Variants in NIPBL observed in about 807,000 individuals in gnomAD.
NIPBL encodes the protein nipped-B-like protein.
Under a neutral mutation model 321.8 loss-of-function variants are expected in NIPBL, and 19 were observed. That is an observed-to-expected ratio of 0.06 (90% CI 0.04 to 0.09). The LOEUF (loss-of-function observed/expected upper bound fraction) is 0.09, where lower values mean the gene tolerates loss of function less well. Ranked by LOEUF, NIPBL falls within the 10% of genes least tolerant of loss-of-function variation. The probability of loss-of-function intolerance (pLI) is 1.00; values close to 1 mark genes in which losing one functional copy is unlikely to be tolerated. For synonymous variants in NIPBL, 1,106 were observed against 1,114.1 expected (o/e 0.99, Z 0.14); for missense variants, 2,210 against 3,327.0 (o/e 0.66, Z 8.26).
intron 6 of NIPBL, among the ~76,000 whole-genome samples, chr5:36,969,496 A>T (rs923266895): frequency 2.0e-5 from 3 of 152,208 alleles, no homozygotes; most frequent in African/African-American, 7.2e-5. Flanking sequence ...ATATGGCATT[A>T]TATCTTAATG....
At chr5:37,012,538 T>G (rs2149684789) in intron 21 of NIPBL, among the ~76,000 whole-genome samples, 1 of 148,864 alleles carries the variant, frequency 6.7e-6, no homozygotes, top group South Asian at 2.1e-4. Context: ...AGGACAATAG[T>G]GGAGGGAAGG....
At chr5:37,026,196 A>G (rs1470088911) in intron 30 of NIPBL, 33 bp from the exon 31 acceptor site, 2 of 1,251,692 alleles carry the variant, frequency 1.6e-6, no homozygotes, top group Admixed American at 3.5e-5. Flanking sequence ...TATTTGTTAT[A>G]ATTAGTTAAT....
intron 1 of NIPBL, among the ~76,000 whole-genome samples, chr5:36,948,849 T>C (rs953233855): frequency 1.3e-5 from 2 of 151,772 alleles, no homozygotes; most frequent in Non-Finnish European, 3.0e-5. Context: ...GGATCCTAAC[T>C]CCATAAAGCC....
chr5:36,992,058 G>C (rs1745588201), intron 10 of NIPBL, among the ~76,000 whole-genome samples: 1 of 152,084 alleles, frequency 6.6e-6, no homozygotes, highest in Non-Finnish European at 1.5e-5. Flanking sequence ...GCATATCTAG[G>C]AGTAAATGTA....
intron 45 of NIPBL, among the ~76,000 whole-genome samples, chr5:37,062,257 C>T (rs1754795660): frequency 6.6e-6 from 1 of 152,194 alleles, no homozygotes; most frequent in African/African-American, 2.4e-5. Context: ...AAATACATGG[C>T]TTATATGTCA....
chr5:36,918,690 A>G (rs912893290), intron 1 of NIPBL, among the ~76,000 whole-genome samples: 25 of 152,106 alleles, frequency 1.6e-4, no homozygotes, highest in African/African-American at 5.6e-4. Flanking sequence ...TTACTTTGAG[A>G]TACGTTCCAT....
intron 1 of NIPBL, among the ~76,000 whole-genome samples, chr5:36,897,895 A>AG (rs1451286700): frequency 2.0e-5 from 3 of 151,884 alleles, no homozygotes; most frequent in African/African-American, 2.4e-5. Flanking sequence ...AGGGAAAAAA[A>AG]AAAAAAAAAA....
intron 34 of NIPBL, among the ~76,000 whole-genome samples, chr5:37,041,945 C>G (rs768949904): frequency 1.3e-5 from 2 of 152,088 alleles, no homozygotes; most frequent in African/African-American, 4.8e-5. Context: ...TTCTTCTATC[C>G]CTAGACCCAC....
chr5:36,877,303 G>C (rs1249150279), intron 1 of NIPBL, 125 bp downstream of exon 1: 1 of 155,740 alleles, frequency 6.4e-6, no homozygotes, highest in African/African-American at 2.4e-5. Context: ...CCACAGGCGA[G>C]TCTAGAGTTC....
chr5:37,056,494 A>G (rs1754105876), intron 42 of NIPBL, among the ~76,000 whole-genome samples: 1 of 152,194 alleles, frequency 6.6e-6, no homozygotes, highest in Non-Finnish European at 1.5e-5. Context: ...CAACTAAATA[A>G]TCATAATTTT....
intron 1 of NIPBL, among the ~76,000 whole-genome samples, chr5:36,920,787 G>GT (rs1290166846): frequency 6.6e-5 from 10 of 150,704 alleles, no homozygotes; most frequent in Non-Finnish European, 1.5e-5. Flanking sequence ...TCTTTAACCT[G>GT]TATCTGTCAC....
intron 1 of NIPBL, among the ~76,000 whole-genome samples, chr5:36,930,316 A>G (rs1449213412): frequency 6.6e-6 from 1 of 152,080 alleles, no homozygotes; most frequent in Non-Finnish European, 1.5e-5. Context: ...TCATGGTCCT[A>G]GTTTGAATGG....
chr5:36,989,861 A>G (rs1745285630), intron 10 of NIPBL, among the ~76,000 whole-genome samples: 1 of 151,306 alleles, frequency 6.6e-6, no homozygotes, highest in South Asian at 2.1e-4. Context: ...AAAAAAAAAA[A>G]AATTGGCATA....
Position 36,877,183 on chromosome 5 carries a change from A to T in NIPBL, c.-80+5A>T. 1 of 222,434 alleles carries T rather than the reference A, an allele frequency of 4.5e-6. No homozygotes were observed. Among genetic ancestry groups the T allele is most frequent in the Non-Finnish European group, 8.8e-6 (1 of 114,202 alleles). The allele number at this position is 222,434 out of a possible 1,614,324, so 13.8% of individuals were successfully genotyped here. A position where few individuals can be genotyped will look rare whatever the true frequency, so the allele number is the denominator to read the frequency against. On this transcript the variant is annotated splice_donor_5th_base_variant and intron_variant, in intron 1 of 46. Transcript: ENST00000282516. ...TTCAGACGCCGATTCGCCCAGGTAA[A>T]TTCCTGCTCTTTATTTCGGCGGCGG...
intron 6 of NIPBL, among the ~76,000 whole-genome samples, chr5:36,969,117 CTT>C (rs747992504): frequency 6.6e-6 from 1 of 152,044 alleles, no homozygotes; most frequent in Non-Finnish European, 1.5e-5. Context: ...ATGTAAAAGA[CTT>C]TTGTGGAGCA....
At position 36,975,910 on chromosome 5, in the gene NIPBL, G is replaced by C. The variant is rs777034854; in HGVS notation, c.1003G>C (p.Glu335Gln). The change falls in exon 9 of 47, where the codon GAA becomes CAA. Residue 335 changes from glutamate to glutamine, a missense_variant. Around this residue, in one of 14 missense-constraint regions of NIPBL, gnomAD observed 464 missense variants for 529.5 expected, o/e 0.88. Coordinates refer to ENST00000282516, the MANE Select transcript of NIPBL (RefSeq NM_133433.4). ...KQKKMKLGKD[E>Q]KEQSEKAAMY... Reference sequence around the variant, plus strand: ...GAAGAAAATGAAATTAGGCAAGGATGAAAAAGAGCAGAGTGAGAAAGCGGC... The same window carrying C: ...GAAGAAAATGAAATTAGGCAAGGATCAAAAAGAGCAGAGTGAGAAAGCGGC... The C allele has an allele frequency of 3.1e-6, 5 of 1,612,854 alleles. No homozygotes were observed. Among genetic ancestry groups the C allele is most frequent in the Non-Finnish European group, 4.2e-6 (5 of 1,179,398 alleles).
In NIPBL at chr5:36,986,273, C is replaced by T; in HGVS notation, c.3093C>T (p.Ile1031=). The change falls in exon 10 of 47, where the codon ATC becomes ATT. Residue 1031 remains isoleucine (I), a synonymous_variant. Transcript: ENST00000282516. ...EDKSRSSLKP[I]KNKPSKSNKG... Reference sequence around the variant, plus strand: ...AATCAAGAAGTTCCCTTAAACCTATCAAGAATAAACCATCAAAGTCAAATA... The same window carrying T: ...AATCAAGAAGTTCCCTTAAACCTATTAAGAATAAACCATCAAAGTCAAATA... 1 of 1,527,364 alleles carries T rather than the reference C, an allele frequency of 6.5e-7. No homozygotes were observed. The highest frequency in any genetic ancestry group is 8.7e-7 in the Non-Finnish European group (1 of 1,145,854). 94.6% of individuals were successfully genotyped at this position (1,527,364 alleles called of 1,614,324 possible). A position where few individuals can be genotyped will look rare whatever the true frequency, so the allele number is the denominator to read the frequency against.
intron 6 of NIPBL, among the ~76,000 whole-genome samples, chr5:36,965,784 C>T (rs971553244): frequency 3.3e-5 from 5 of 152,004 alleles, no homozygotes; most frequent in African/African-American, 7.2e-5. Context: ...CCCAGAAATA[C>T]GTGCCTCTAT....
chr5:37,049,877 T>C (rs1044638512), intron 40 of NIPBL, among the ~76,000 whole-genome samples: 1 of 152,166 alleles, frequency 6.6e-6, no homozygotes, highest in Non-Finnish European at 1.5e-5. Context: ...GCTACAAAAG[T>C]GTATGTATTA....
Sources: allele counts gnomAD v4.1 joint callset (sites outside exome capture counted in the v4.1 genomes callset), GRCh38; gene constraint gnomAD v4.1.1; regional missense constraint gnomAD v4.1.1; transcripts MANE v1.5; gene names NCBI Gene and HGNC (gene_info 2026-07-23, HGNC 2026-07-21).